KCND2: variants seen among roughly 807,000 people sequenced by gnomAD.
The protein encoded by KCND2 is potassium voltage-gated channel subfamily D member 2.
A neutral mutation model predicts 54.4 loss-of-function variants in KCND2; 16 were observed. The observed-to-expected ratio is 0.29, with a 90% CI of 0.20 to 0.45. The LOEUF is 0.45. Ranked by LOEUF, KCND2 falls within the 20% of genes least tolerant of loss-of-function variation. The pLI, the probability that KCND2 is intolerant of heterozygous loss-of-function variation, is 1.00. For synonymous variants in KCND2, 317 were observed against 310.7 expected, an observed-to-expected ratio of 1.02 and a Z score of -0.21; for missense variants, 486 against 824.2, an observed-to-expected ratio of 0.59 and a Z score of 5.02.
At chr7:120,389,241 A>T (rs1041359716) in intron 1 of KCND2, among the ~76,000 whole-genome samples, 1 of 151,890 alleles carries the variant, frequency 6.6e-6, no homozygotes, top group Non-Finnish European at 1.5e-5. Context: ...TTGCTAAAAC[A>T]TTTCTTTTTA....
At chr7:120,378,621 C>T (rs1800869340) in intron 1 of KCND2, among the ~76,000 whole-genome samples, 1 of 151,884 alleles carries the variant, frequency 6.6e-6, no homozygotes, top group African/African-American at 2.4e-5. Context: ...TACAACAAAA[C>T]TACGTGTAAA....
At chr7:120,354,244 C>T (rs1800463001) in intron 1 of KCND2, among the ~76,000 whole-genome samples, 1 of 152,142 alleles carries the variant, frequency 6.6e-6, no homozygotes, top group South Asian at 2.1e-4. Flanking sequence ...GCCACTACTA[C>T]AGGTTTTGCA....
chr7:120,393,951 A>C (rs1426006142), intron 1 of KCND2, among the ~76,000 whole-genome samples: 1 of 152,044 alleles, frequency 6.6e-6, no homozygotes, highest in African/African-American at 2.4e-5. Flanking sequence ...AAAATGTGAT[A>C]AATTATATCA....
At chr7:120,662,616 T>C (rs1192434956) in intron 1 of KCND2, among the ~76,000 whole-genome samples, 3 of 152,202 alleles carry the variant, frequency 2.0e-5, no homozygotes, top group Non-Finnish European at 4.4e-5. Context: ...AAATAGAATA[T>C]TTATTCTTTG....
At chr7:120,460,557 C>T (rs77948674) in intron 1 of KCND2, among the ~76,000 whole-genome samples, 1 of 136,448 alleles carries the variant, frequency 7.3e-6, no homozygotes, top group Non-Finnish European at 1.5e-5. Flanking sequence ...CCCACCACGG[C>T]CTTTTTTTTT....
intron 1 of KCND2, among the ~76,000 whole-genome samples, chr7:120,393,299 C>T (rs73433819): frequency 0.059 from 8,947 of 152,028 alleles, 409 homozygotes; most frequent in African/African-American, 0.12. Flanking sequence ...TGTATATTGC[C>T]TAGCACAATA....
At chr7:120,305,680 C>T (rs961478624) in intron 1 of KCND2, among the ~76,000 whole-genome samples, 10 of 152,130 alleles carry the variant, frequency 6.6e-5, no homozygotes, top group Non-Finnish European at 1.3e-4. Context: ...GTATTTCTTC[C>T]TGGATTTCAA....
chr7:120,582,123 G>A (rs1792523848), intron 1 of KCND2, among the ~76,000 whole-genome samples: 1 of 152,148 alleles, frequency 6.6e-6, no homozygotes, highest in Non-Finnish European at 1.5e-5. Context: ...CAATGGAATT[G>A]CTTCCAGTCT....
At chr7:120,612,807 T>C (rs934678693) in intron 1 of KCND2, among the ~76,000 whole-genome samples, 4 of 152,212 alleles carry the variant, frequency 2.6e-5, no homozygotes, top group Admixed American at 1.3e-4. Flanking sequence ...AATACTATAA[T>C]TACGTGAGTC....
intron 1 of KCND2, among the ~76,000 whole-genome samples, chr7:120,450,565 G>T (rs1266066888): frequency 5.3e-5 from 8 of 152,110 alleles, no homozygotes; most frequent in Admixed American, 3.9e-4. Flanking sequence ...ATTTATGTGG[G>T]AAAGACACTA....
intron 1 of KCND2, among the ~76,000 whole-genome samples, chr7:120,577,571 C>G (rs758608450): frequency 2.6e-5 from 4 of 152,194 alleles, no homozygotes; most frequent in Admixed American, 6.5e-5. Flanking sequence ...CAAACCAACA[C>G]CAAACCGTAT....
At chr7:120,674,634 C>G (rs1444187288) in intron 1 of KCND2, among the ~76,000 whole-genome samples, 1 of 152,056 alleles carries the variant, frequency 6.6e-6, no homozygotes, top group African/African-American at 2.4e-5. Flanking sequence ...CACCCTAATC[C>G]CTCCAGATAC....
chr7:120,295,013 C>G (rs1563000020), intron 1 of KCND2, among the ~76,000 whole-genome samples: 1 of 151,480 alleles, frequency 6.6e-6, no homozygotes, highest in Non-Finnish European at 1.5e-5. Context: ...CATTTTTTTG[C>G]TGAGTTTTAT....
chr7:120,655,265 G>T (rs185715382), intron 1 of KCND2, among the ~76,000 whole-genome samples: 1 of 151,810 alleles, frequency 6.6e-6, no homozygotes, highest in East Asian at 1.9e-4. Context: ...TATAAAAAAG[G>T]GATGAATCCT....
At chr7:120,728,265 CTT>C (rs981558319) in intron 1 of KCND2, among the ~76,000 whole-genome samples, 6 of 149,498 alleles carry the variant, frequency 4.0e-5, no homozygotes, top group Non-Finnish European at 7.4e-5. Flanking sequence ...GATATATTCT[CTT>C]GTTTCGTTCT....
intron 1 of KCND2, among the ~76,000 whole-genome samples, chr7:120,689,839 A>T (rs1425443549): frequency 1.3e-5 from 2 of 152,218 alleles, no homozygotes; most frequent in African/African-American, 2.4e-5. Context: ...AATATTCTCC[A>T]TTAATGAATT....
intron 1 of KCND2, among the ~76,000 whole-genome samples, chr7:120,278,283 C>T (rs1314024534): frequency 2.0e-5 from 3 of 151,774 alleles, no homozygotes; most frequent in African/African-American, 7.3e-5. Context: ...AAAGCCATTG[C>T]CTAACTTTAT....
At chr7:120,322,513 A>G (rs1023546968) in intron 1 of KCND2, among the ~76,000 whole-genome samples, 2 of 152,164 alleles carry the variant, frequency 1.3e-5, no homozygotes, top group African/African-American at 4.8e-5. Context: ...CATAAAGCAA[A>G]CAAAATTATT....
intron 1 of KCND2, among the ~76,000 whole-genome samples, chr7:120,484,439 G>T (rs1419291139): frequency 6.6e-6 from 1 of 151,542 alleles, no homozygotes; most frequent in Non-Finnish European, 1.5e-5. Context: ...ACAGGGATGA[G>T]CCTCTGTTCC....
Sources: allele counts gnomAD v4.1 joint callset (sites outside exome capture counted in the v4.1 genomes callset), GRCh38; gene constraint gnomAD v4.1.1; transcripts MANE v1.5; gene names NCBI Gene and HGNC (gene_info 2026-07-23, HGNC 2026-07-21).